The following SDHA variants were observed in gnomAD, a reference collection of about 807,000 sequenced individuals.
SDHA encodes succinate dehydrogenase complex flavoprotein subunit A, also known as succinate dehydrogenase [ubiquinone] flavoprotein subunit, mitochondrial.
In SDHA, 48 loss-of-function variants were observed where a neutral mutation model predicts 78.4. The ratio of observed to expected loss-of-function variants is 0.61; its 90% CI spans 0.49 to 0.78. The LOEUF (loss-of-function observed/expected upper bound fraction) is 0.78, where lower values mean the gene tolerates loss of function less well. Among genes scored for constraint, SDHA ranks in the 30% least tolerant of loss-of-function variants. The probability of loss-of-function intolerance (pLI) is 0.00; values close to 1 mark genes in which losing one functional copy is unlikely to be tolerated. For missense variants in SDHA, 680 were observed against 892.7 expected, an observed-to-expected ratio of 0.76 and a Z score of 3.04; for synonymous variants, 326 against 353.9, an observed-to-expected ratio of 0.92 and a Z score of 0.88.
At chr5:268,339 C>T in the SDHA span, among the ~76,000 whole-genome samples, 1 of 152,044 alleles carries the variant, frequency 6.6e-6, no homozygotes, top group Non-Finnish European at 1.5e-5. Context: ...CCTGCCACCA[C>T]GTCTGGCTAA....
At chr5:233,020 C>T (rs912857971) in intron 7 of SDHA, among the ~76,000 whole-genome samples, 1 of 152,154 alleles carries the variant, frequency 6.6e-6, no homozygotes, top group African/African-American at 2.4e-5. Context: ...TAGAACTGCC[C>T]ATAGCAAGTG....
At chr5:251,917 G>T (rs372052259) in intron 13 of SDHA, 1 of 337,884 alleles carries the variant, frequency 3.0e-6, no homozygotes, top group Non-Finnish European at 5.8e-6. Flanking sequence ...GTAAGCCACC[G>T]TTTCAAACCT....
chr5:241,162 G>C (rs1386783502), intron 11 of SDHA, among the ~76,000 whole-genome samples: 12 of 152,150 alleles, frequency 7.9e-5, no homozygotes, highest in Admixed American at 5.2e-4. Flanking sequence ...GCCTTCTGTG[G>C]TTCACTCGTG....
At chr5:233,357 A>C in intron 7 of SDHA, 120 bp from the exon 8 acceptor site, 1 of 1,057,334 alleles carries the variant, frequency 9.5e-7, no homozygotes, top group African/African-American at 1.6e-5. Flanking sequence ...GCAGTTTTGC[A>C]CATAATGCCT....
intron 14 of SDHA, among the ~76,000 whole-genome samples, chr5:254,737 C>T (rs1252700418): frequency 5.9e-5 from 9 of 152,192 alleles, no homozygotes; most frequent in African/African-American, 1.9e-4. Context: ...AGGGTTGCTC[C>T]GTGGTGTGCG....
intron 14 of SDHA, among the ~76,000 whole-genome samples, chr5:255,196 G>A (rs929495927): frequency 2.6e-5 from 4 of 152,106 alleles, no homozygotes; most frequent in African/African-American, 9.7e-5. Context: ...CATTTCCGCT[G>A]GGCATTAAGA....
At chr5:257,317 G>T (rs539174467), downstream of SDHA, among the ~76,000 whole-genome samples, 19 of 152,184 alleles carry the variant, frequency 1.2e-4, no homozygotes, top group African/African-American at 3.1e-4. Context: ...GTGAGCTACT[G>T]TGTGAGCTCC....
chr5:258,292 G>GC (rs1448601089), downstream of SDHA, among the ~76,000 whole-genome samples: 1 of 109,086 alleles, frequency 9.2e-6, no homozygotes, highest in East Asian at 2.6e-4. Flanking sequence ...TGTGAGCTCC[G>GC]CCCCCTGCCA....
rs1406823882 is a variant in SDHA, at chr5:228,352, CT to C, written c.770+22del. 6.2e-7 allele frequency: 1 copy of C among 1,609,876 alleles called. No individual in the cohort carries two copies. The highest frequency in any genetic ancestry group is 1.7e-5 in the Admixed American group (1 of 59,982). On this transcript the variant is annotated intron_variant, in intron 6 of 14. Transcript: ENST00000264932. ...CCACAGGGTAGGAATCTCATTTCTA[CT>C]TTATTTTGTTTATAAAAATGAATAA...
Position 233,494 on chromosome 5 carries a change from T to A in SDHA, c.913T>A (p.Cys305Ser). 1 of 1,614,244 alleles carries A rather than the reference T, an allele frequency of 6.2e-7. No individual in the cohort carries two copies. Residue 305 changes from cysteine (C) to serine (S), a missense_variant, in exon 8 of 15, where the codon TGT becomes AGT. Transcript: ENST00000264932. The part of the protein sequence containing the change: ...FHPTGIYGAG[C>S]LITEGCRGEG... ...TTTTGCAGGCATATATGGTGCTGGTTGTCTCATTACGGAAGGATGTCGTGG... is the reference window on the plus strand; with the variant it reads ...TTTTGCAGGCATATATGGTGCTGGTAGTCTCATTACGGAAGGATGTCGTGG...
chr5:239,131 G>A (rs1195963883), intron 10 of SDHA, among the ~76,000 whole-genome samples: 1 of 151,106 alleles, frequency 6.6e-6, no homozygotes, highest in Non-Finnish European at 1.5e-5. Context: ...CTGTGGAGAG[G>A]TGGTGGGCGG....
intron 10 of SDHA, 129 bp from the exon 11 acceptor site, chr5:240,229 A>T: frequency 2.9e-6 from 2 of 685,404 alleles, no homozygotes; most frequent in Non-Finnish European, 5.4e-6. Flanking sequence ...GCAGTGTGTT[A>T]GCTCAGGAGA....
intron 13 of SDHA, among the ~76,000 whole-genome samples, chr5:253,312 A>ATTTAC (rs1736974746): frequency 6.6e-6 from 1 of 152,316 alleles, no homozygotes; most frequent in African/African-American, 2.4e-5. Context: ...TTTACCCTCC[A>ATTTAC]CTAGAATATG....
intron 11 of SDHA, among the ~76,000 whole-genome samples, chr5:247,175 A>G (rs1736516656): frequency 6.6e-6 from 1 of 152,226 alleles, no homozygotes; most frequent in African/African-American, 2.4e-5. Flanking sequence ...TTGTAGCTGT[A>G]ATTGAGGTAT....
intron 5 of SDHA, among the ~76,000 whole-genome samples, chr5:226,506 C>T (rs558317719): frequency 6.6e-6 from 1 of 152,214 alleles, no homozygotes; most frequent in South Asian, 2.1e-4. Context: ...GTGGTACATG[C>T]TTGTAATCCC....
chr5:254,293 T>C, intron 13 of SDHA, 100 bp from the exon 14 acceptor site: 3 of 1,143,966 alleles, frequency 2.6e-6, no homozygotes, highest in Non-Finnish European at 3.7e-6. Flanking sequence ...TGGAATGAGT[T>C]CTAGGGCATC....
intron 1 of SDHA, 90 bp downstream of exon 1, chr5:218,508 G>A: frequency 9.7e-7 from 1 of 1,036,102 alleles, no homozygotes; most frequent in Non-Finnish European, 1.3e-6. Flanking sequence ...GAGCGGAGCG[G>A]GCGCCGGGTC....
chr5:234,431 A>C (rs1454301589), intron 8 of SDHA: 1 of 146,112 alleles, frequency 6.8e-6, no homozygotes, highest in Non-Finnish European at 1.5e-5. Context: ...AAAAAAAAAA[A>C]AAAAAAAAAA....
In SDHA at chr5:221,233, A is replaced by G. The variant is rs539671284; in HGVS notation, c.64-2249A>G. On this transcript the variant is annotated intron_variant, in intron 1 of 14. Transcript: ENST00000264932. Reference sequence around the variant, plus strand: ...CCCTCCCTCACCCAGTTCATTTTCCATGAAAGCAATTCCTGTTTCTGATAC... The same window carrying G: ...CCCTCCCTCACCCAGTTCATTTTCCGTGAAAGCAATTCCTGTTTCTGATAC... Among the ~76,000 whole-genome samples the G allele has an allele frequency of 3.3e-5, 5 of 152,366 alleles. No individual in the cohort carries two copies. The South Asian group carries it at 8.3e-4, about 25-fold the overall frequency.
Sources: allele counts gnomAD v4.1 joint callset (sites outside exome capture counted in the v4.1 genomes callset), GRCh38; gene constraint gnomAD v4.1.1; transcripts MANE v1.5; gene names NCBI Gene and HGNC (gene_info 2026-07-23, HGNC 2026-07-21).